SNED1: variants seen among roughly 807,000 people sequenced by gnomAD.
SNED1 encodes sushi, nidogen and EGF-like domain-containing protein 1.
Under a neutral mutation model 166.7 loss-of-function variants are expected in SNED1, and 81 were observed. That is an observed-to-expected ratio of 0.49 (90% CI 0.41 to 0.58). The LOEUF is 0.58. SNED1 is among the 20% of genes least tolerant of loss of function. SNED1 has a pLI of 0.00. For synonymous variants in SNED1, 762 were observed against 822.0 expected (o/e 0.93, Z 1.25); for missense variants, 1,604 against 2,000.2 (o/e 0.80, Z 3.78).
chr2:241,072,098 A>G (rs1559297104), intron 26 of SNED1: 1 of 700,010 alleles, frequency 1.4e-6, no homozygotes. Flanking sequence ...GCCTCACGTC[A>G]GTGTGTGGGC....
At chr2:241,059,197 G>C (rs1385983389) in intron 16 of SNED1, among the ~76,000 whole-genome samples, 1 of 152,066 alleles carries the variant, frequency 6.6e-6, no homozygotes, top group South Asian at 2.1e-4. Context: ...ACTGACACAA[G>C]AATAATAGAA....
At chr2:241,090,029 CAAT>C in intron 31 of SNED1, 8 of 1,547,410 alleles carry the variant, frequency 5.2e-6, no homozygotes, top group East Asian at 4.9e-5. Context: ...GGCAGTTGCA[CAAT>C]AATAAATTAG....
At chr2:241,055,659 G>A (rs919813477) in intron 16 of SNED1, among the ~76,000 whole-genome samples, 2 of 152,210 alleles carry the variant, frequency 1.3e-5, no homozygotes, top group Admixed American at 6.5e-5. Context: ...TGCTGCAGGG[G>A]CAAGCACAAT....
rs1014460415 is a variant in SNED1 at position 241,013,521 on chromosome 2, G to A, written c.213+14471G>A. 9.2e-5 allele frequency among the ~76,000 whole-genome samples: 14 copies of A among 151,498 alleles called. No individual in the cohort carries two copies. Among genetic ancestry groups the A allele is most frequent in the Non-Finnish European group, 2.1e-4 (14 of 67,898 alleles). On this transcript the variant is annotated intron_variant, in intron 1 of 31. Transcript: ENST00000310397. The surrounding 1 kb of genome is among the most constrained non-coding windows in gnomAD (Gnocchi z 4.6). Reference sequence around the variant, plus strand: ...TATATTTTTTTATTTTTCTTTTTTTGTAGAGACAGGGTCTTGCTATGTTGT... The same window carrying A: ...TATATTTTTTTATTTTTCTTTTTTTATAGAGACAGGGTCTTGCTATGTTGT...
At chr2:241,021,370 C>T (rs933607452) in intron 1 of SNED1, among the ~76,000 whole-genome samples, 1 of 152,198 alleles carries the variant, frequency 6.6e-6, no homozygotes, top group Non-Finnish European at 1.5e-5. Context: ...CGTTGTATAT[C>T]CATCACCACA....
intron 17 of SNED1, 72 bp from the exon 18 acceptor site, chr2:241,063,515 A>G (rs1307038048): frequency 2.1e-6 from 2 of 974,226 alleles, no homozygotes; most frequent in Admixed American, 4.0e-5. Flanking sequence ...CAGGAAATGC[A>G]CGGAATCCTG....
intron 18 of SNED1, 135 bp downstream of exon 18, chr2:241,063,835 G>A (rs1389302101): frequency 3.8e-6 from 3 of 793,972 alleles, no homozygotes; most frequent in Non-Finnish European, 6.0e-6. Context: ...CGGCCACCTT[G>A]GGAGGGAGGG....
intron 16 of SNED1, among the ~76,000 whole-genome samples, chr2:241,062,296 A>C (rs2062259001): frequency 6.6e-6 from 1 of 152,202 alleles, no homozygotes; most frequent in Non-Finnish European, 1.5e-5. Flanking sequence ...TCACTAAGTC[A>C]TTACCATTTA....
Position 241,049,838 on chromosome 2 carries a change from C to T in SNED1, c.1640C>T (p.Ser547Leu). Residue 547 changes from serine (S) to leucine (L), a missense_variant, in exon 12 of 32, where the codon TCG becomes TTG. Transcript: ENST00000310397. ...ASHSLPSPCD[S>L]DPCFNGGSCD... The stretch of plus-strand genomic sequence containing the variant: ...CCAGCCCTGCCATCACCCTGCGACT[C>T]GGACCCCTGCTTCAACGGAGGCTCC... The T allele has an allele frequency of 6.2e-7, 1 of 1,613,770 alleles. No individual in the cohort carries two copies. The highest frequency in any genetic ancestry group is 8.5e-7 in the Non-Finnish European group (1 of 1,179,742).
At position 241,053,168 on chromosome 2, in the gene SNED1, C is replaced by T; in HGVS notation, c.2099C>T (p.Pro700Leu). 1.2e-6 allele frequency: 2 copies of T among 1,610,606 alleles called. No individual in the cohort carries two copies. The highest frequency in any genetic ancestry group is 1.7e-6 in the Non-Finnish European group (2 of 1,179,276). ...RRCQAEVDCG[P>L]PEEVKHATLR... Reference sequence around the variant, plus strand: ...TGCCTTGCAGAGGTGGACTGCGGCCCCCCGGAGGAGGTGAAGCACGCCACA... The same window carrying T: ...TGCCTTGCAGAGGTGGACTGCGGCCTCCCGGAGGAGGTGAAGCACGCCACA... Residue 700 changes from proline (P) to leucine (L), a missense_variant, in exon 16 of 32, where the codon CCC (proline) becomes CTC (leucine). Physicochemically the swap from Pro to Leu is moderately conservative, Grantham distance 98 (BLOSUM62 -3). Transcript: ENST00000310397.
At chr2:241,061,498 G>T (rs2062228107) in intron 16 of SNED1, among the ~76,000 whole-genome samples, 1 of 152,198 alleles carries the variant, frequency 6.6e-6, no homozygotes, top group Non-Finnish European at 1.5e-5. Flanking sequence ...CGTCAACTGT[G>T]TTCCAGCAAT....
At chr2:241,047,289 G>T (rs2061679691) in intron 8 of SNED1, among the ~76,000 whole-genome samples, 1 of 152,056 alleles carries the variant, frequency 6.6e-6, no homozygotes, top group Non-Finnish European at 1.5e-5. Context: ...ACGATAGAGG[G>T]GTCAATTCAT....
In SNED1 at chr2:241,048,715, A is replaced by G; in HGVS notation, c.1453A>G (p.Thr485Ala). The G allele has an allele frequency of 1.2e-6, 2 of 1,612,942 alleles. No individual in the cohort carries two copies. The highest frequency in any genetic ancestry group is 2.2e-5 in the South Asian group (2 of 90,640). Reference protein sequence around the residue: ...RNGGRCLGANTTLCQCPLGFF... With the variant: ...RNGGRCLGANATLCQCPLGFF... The stretch of plus-strand genomic sequence containing the variant: ...CGGAGGCAGATGCCTGGGCGCCAAC[A>G]CCACCCTCTGCCAGTGCCCCCTGGG... The change falls in exon 10 of 32, where the codon ACC becomes GCC. Residue 485 changes from threonine (T) to alanine (A), a missense_variant. Around this residue, in one of 2 missense-constraint regions of SNED1, gnomAD observed 1,237 missense variants for 1,620.8 expected, o/e 0.76. Coordinates refer to ENST00000310397, the MANE Select transcript of SNED1 (RefSeq NM_001080437.3).
chr2:241,067,930 G>A lies in SNED1; in HGVS notation c.3177G>A (p.Val1059=). The change falls in exon 22 of 32, where the codon GTG becomes GTA. Residue 1059 remains valine, a synonymous_variant. Transcript: ENST00000310397. The stretch of plus-strand genomic sequence containing the variant: ...AGGCCACCGATGTGGACAGGAGTGT[G>A]GACAGGTTCACCTTTAGGTAAGAAG... The part of the protein sequence containing the change: ...RDQATDVDRS[V]DRFTFRALLP... The A allele has an allele frequency of 6.2e-7, 1 of 1,611,538 alleles. No individual in the cohort carries two copies. The highest frequency in any genetic ancestry group is 1.3e-5 in the African/African-American group (1 of 74,996).
chr2:241,030,138 G>A, intron 1 of SNED1, 146 bp from the exon 2 acceptor site: 2 of 708,106 alleles, frequency 2.8e-6, no homozygotes. Context: ...CAGGGACGGG[G>A]GGCTGTCAGG....
chr2:241,028,025 G>T (rs375085055), intron 1 of SNED1, among the ~76,000 whole-genome samples: 2 of 152,104 alleles, frequency 1.3e-5, no homozygotes, highest in Non-Finnish European at 2.9e-5. Context: ...GAGCCACCGC[G>T]CCGGGCCAGG....
intron 4 of SNED1, among the ~76,000 whole-genome samples, chr2:241,035,379 T>C (rs905231338): frequency 6.6e-6 from 1 of 151,828 alleles, no homozygotes; most frequent in Non-Finnish European, 1.5e-5. Context: ...GGGCACGTGG[T>C]TTGTGGGAAC....
In SNED1 at chr2:241,039,916, C is replaced by G. The variant is rs553473606; in HGVS notation, c.1046-159C>G. On this transcript the variant is annotated intron_variant, in intron 6 of 31. Coordinates refer to ENST00000310397, the MANE Select transcript of SNED1 (RefSeq NM_001080437.3). ...GCCAGTCAGGACTGCCTGGCCAGGC[C>G]TCTTTCTTGCCTGTCGCCCGCTCAG... Among the ~76,000 whole-genome samples, 8 of 152,290 alleles carry G rather than the reference C, an allele frequency of 5.3e-5. No homozygotes were observed. In the South Asian group the frequency reaches 1.7e-3, roughly 32 times the overall value.
chr2:241,094,754 C>T lies in SNED1; in HGVS notation c.*3118C>T, dbSNP rs551270302. On this transcript the variant is annotated 3_prime_UTR_variant, in exon 32 of 32. Coordinates refer to ENST00000310397, the MANE Select transcript of SNED1 (RefSeq NM_001080437.3). The surrounding 1 kb of genome is among the most constrained non-coding windows in gnomAD (Gnocchi z 4.3). ...TGTTTCACAGCACCCCTGGCCTCTA[C>T]CCACTAGAATCCTACAATCTACCAG... 5.3e-4 allele frequency: 93 copies of T among 174,932 alleles called. No homozygotes were observed. Among genetic ancestry groups the T allele is most frequent in the African/African-American group, 2.1e-3 (87 of 41,748 alleles). 10.8% of individuals were successfully genotyped at this position (174,932 alleles called of 1,614,324 possible).
Sources: gnomAD v4.1 joint callset for allele counts (sites outside exome capture counted in the v4.1 genomes callset) on GRCh38, gnomAD v4.1.1 for gene constraint, gnomAD v4.1.1 regional missense constraint, Gnocchi (gnomAD v3.1) non-coding constraint, MANE v1.5 for transcripts, NCBI Gene and HGNC (gene_info 2026-07-23, HGNC 2026-07-21) for gene names.